The following C10orf90 variants were observed in gnomAD, a reference collection of about 807,000 sequenced individuals.
C10orf90 encodes the protein chromosome 10 open reading frame 90, also known as (E2-independent) E3 ubiquitin-conjugating enzyme FATS.
C10orf90 carries 56 observed loss-of-function variants against 62.5 expected under a neutral mutation model. The observed-to-expected ratio is 0.90, with a 90% CI of 0.72 to 1.12. The LOEUF is 1.12. Ranked by LOEUF, C10orf90 falls within the 50% of genes most tolerant of loss-of-function variation. C10orf90 has a pLI of 0.00. For missense variants in C10orf90, 970 were observed against 880.4 expected (o/e 1.10, Z -1.29); for synonymous variants, 386 against 340.4 (o/e 1.13, Z -1.47).
intron 8 of C10orf90, among the ~76,000 whole-genome samples, chr10:126,428,675 G>T (rs944971196): frequency 1.3e-5 from 2 of 152,126 alleles, no homozygotes; most frequent in Non-Finnish European, 2.9e-5. Flanking sequence ...TGCTTAGTTT[G>T]CAAGGCTCCG....
intron 1 of C10orf90, among the ~76,000 whole-genome samples, chr10:126,649,066 C>T (rs1846234541): frequency 2.1e-5 from 1 of 48,698 alleles, no homozygotes; most frequent in South Asian, 8.7e-4. Flanking sequence ...CTCTCTCTCT[C>T]TCTCTCCCCC....
At chr10:126,437,478 C>G (rs976650577) in intron 7 of C10orf90, among the ~76,000 whole-genome samples, 6 of 152,022 alleles carry the variant, frequency 3.9e-5, no homozygotes, top group Non-Finnish European at 8.8e-5. Flanking sequence ...GTTTGAGGAC[C>G]GCTGTTACCT....
chr10:126,661,466 C>T (rs919643413), intron 1 of C10orf90, among the ~76,000 whole-genome samples: 1 of 152,146 alleles, frequency 6.6e-6, no homozygotes, highest in Non-Finnish European at 1.5e-5. Context: ...CAGTCTCGAC[C>T]CAGTGCTCTT....
intron 2 of C10orf90, among the ~76,000 whole-genome samples, chr10:126,645,208 A>G (rs893988311): frequency 6.6e-6 from 1 of 150,810 alleles, no homozygotes. Context: ...ACATGTATAC[A>G]TATGTAACTA....
intron 2 of C10orf90, among the ~76,000 whole-genome samples, chr10:126,596,386 A>AC (rs77657619): frequency 0.18 from 26,594 of 151,810 alleles, 2,907 homozygotes; most frequent in Middle Eastern, 0.3. Flanking sequence ...TAAAAAAAAA[A>AC]AACAACAACA....
intron 7 of C10orf90, among the ~76,000 whole-genome samples, chr10:126,432,854 C>T (rs1218200756): frequency 1.3e-5 from 2 of 152,234 alleles, no homozygotes; most frequent in Non-Finnish European, 2.9e-5. Context: ...AAACCACCCA[C>T]GTTGGCCTTT....
chr10:126,444,338 A>G (rs575554027), intron 7 of C10orf90, among the ~76,000 whole-genome samples: 6 of 152,136 alleles, frequency 3.9e-5, no homozygotes, highest in Non-Finnish European at 8.8e-5. Flanking sequence ...CAGATACAAG[A>G]TTAATGTACA....
At chr10:126,478,538 G>A (rs1207605389) in intron 4 of C10orf90, among the ~76,000 whole-genome samples, 3 of 152,202 alleles carry the variant, frequency 2.0e-5, no homozygotes, top group African/African-American at 7.2e-5. Context: ...ATACACACAA[G>A]ATGATACAGA....
At chr10:126,635,526 T>C (rs922257947) in intron 2 of C10orf90, among the ~76,000 whole-genome samples, 2 of 152,192 alleles carry the variant, frequency 1.3e-5, no homozygotes, top group Non-Finnish European at 2.9e-5. Context: ...GGCCCGTCTC[T>C]GGGTTAAAAA....
rs747087443 is a variant in C10orf90, at chr10:126,513,849, T to C, written c.404A>G (p.Lys135Arg). ...CTAGAAGTTAGAAATGTATGTTACC[T>C]TGGTGAAGTCAGATTTTGCCTCTGT... ...DVTEAKSDFT[K>R]ETLASQNTKM... Residue 135 changes from lysine (K) to arginine (R), a missense_variant and splice_region_variant, in exon 3 of 10, where the codon AAG becomes AGG. Coordinates refer to ENST00000488181, the MANE Select transcript of C10orf90 (RefSeq NM_001350921.2). 4.4e-6 allele frequency: 7 copies of C among 1,594,310 alleles called. No homozygotes were observed. In the South Asian group the frequency reaches 7.7e-5, roughly 18 times the overall value.
intron 2 of C10orf90, among the ~76,000 whole-genome samples, chr10:126,552,519 C>T (rs930096054): frequency 6.6e-6 from 1 of 152,208 alleles, no homozygotes; most frequent in Admixed American, 6.5e-5. Flanking sequence ...ACAGGTTGTC[C>T]ATCATCCAGG....
At chr10:126,567,352 A>G (rs1427902387) in intron 2 of C10orf90, among the ~76,000 whole-genome samples, 1 of 152,164 alleles carries the variant, frequency 6.6e-6, no homozygotes, top group Non-Finnish European at 1.5e-5. Context: ...TCAAACAACC[A>G]GATCTTGTAA....
chr10:126,640,270 G>A (rs1420102468), intron 2 of C10orf90, among the ~76,000 whole-genome samples: 1 of 152,242 alleles, frequency 6.6e-6, no homozygotes, highest in Non-Finnish European at 1.5e-5. Flanking sequence ...CTGAGGAGCA[G>A]GTCAGAAGCC....
intron 2 of C10orf90, among the ~76,000 whole-genome samples, chr10:126,584,199 A>C (rs776988693): frequency 1.3e-5 from 2 of 152,002 alleles, no homozygotes; most frequent in African/African-American, 2.4e-5. Flanking sequence ...TCTGCCTGTC[A>C]ATCTGTCCAT....
intron 7 of C10orf90, among the ~76,000 whole-genome samples, chr10:126,433,696 G>T (rs1857729463): frequency 6.6e-6 from 1 of 152,092 alleles, no homozygotes; most frequent in South Asian, 2.1e-4. Context: ...AAACCAACCT[G>T]CATGAGCTTT....
rs527550456 is a variant in C10orf90, at chr10:126,524,867, A to G, written c.314-10928T>C. On this transcript the variant is annotated intron_variant, in intron 2 of 9. Transcript: ENST00000488181. ...AGCTTGCTTCTCCCATTAAGTGGAAAACGCCATTATTTCCATCACTATGTA... is the reference window on the plus strand; with the variant it reads ...AGCTTGCTTCTCCCATTAAGTGGAAGACGCCATTATTTCCATCACTATGTA... The G allele has an allele frequency of 9.9e-5, 97 of 979,246 alleles. No individual in the cohort carries two copies. In the African/African-American group the frequency reaches 1.7e-3, roughly 17 times the overall value. The allele number at this position is 979,246 out of a possible 1,614,324, so 60.7% of individuals were successfully genotyped here.
In C10orf90 at chr10:126,576,723, TA is replaced by T. The variant is rs1844628596; in HGVS notation, c.314-62785del. ...TGTATATGTATATATATACAAGATA[TA>T]CATATATATGTATATGTATATATAC... On this transcript the variant is annotated intron_variant, in intron 2 of 9. Coordinates refer to ENST00000488181, the MANE Select transcript of C10orf90 (RefSeq NM_001350921.2). Among the ~76,000 whole-genome samples, 235 of 45,656 alleles carry T rather than the reference TA, an allele frequency of 5.1e-3. 6 individuals carry two copies. The highest frequency in any genetic ancestry group is 0.021 in the African/African-American group (217 of 10,294). The allele number at this position is 45,656 out of a possible 152,430, so 30.0% of individuals were successfully genotyped here. A position where few individuals can be genotyped will look rare whatever the true frequency, so the allele number is the denominator to read the frequency against.
intron 2 of C10orf90, among the ~76,000 whole-genome samples, chr10:126,621,492 C>T (rs1845643439): frequency 6.6e-6 from 1 of 152,174 alleles, no homozygotes; most frequent in South Asian, 2.1e-4. Context: ...GATTGGCATG[C>T]AGTGTGTGCT....
At chr10:126,565,438 A>ATATATAT (rs1491320031) in intron 2 of C10orf90, among the ~76,000 whole-genome samples, 2 of 51,462 alleles carry the variant, frequency 3.9e-5, no homozygotes, top group African/African-American at 1.2e-4. Flanking sequence ...TATATATTAT[A>ATATATAT]CACACACACA....
Sources: gnomAD v4.1 joint callset for allele counts (sites outside exome capture counted in the v4.1 genomes callset) on GRCh38, gnomAD v4.1.1 for gene constraint, MANE v1.5 for transcripts, NCBI Gene and HGNC (gene_info 2026-07-23, HGNC 2026-07-21) for gene names.